ZBTB8A: variants seen among roughly 807,000 people sequenced by gnomAD.
The protein encoded by ZBTB8A is zinc finger and BTB domain-containing protein 8A.
Under a neutral mutation model 37.8 loss-of-function variants are expected in ZBTB8A, and 19 were observed. The ratio of observed to expected loss-of-function variants is 0.50; its 90% CI spans 0.35 to 0.74. The LOEUF (loss-of-function observed/expected upper bound fraction) is 0.74. Among genes scored for constraint, ZBTB8A ranks in the 30% least tolerant of loss-of-function variants. The pLI, the probability that ZBTB8A is intolerant of heterozygous loss-of-function variation, is 0.01. For missense variants in ZBTB8A, 394 were observed against 537.8 expected (o/e 0.73, Z 2.65); for synonymous variants, 181 against 185.2 (o/e 0.98, Z 0.19).
chr1:32,543,311 C>T (rs902348274), intron 1 of ZBTB8A, among the ~76,000 whole-genome samples: 1 of 152,108 alleles, frequency 6.6e-6, no homozygotes, highest in East Asian at 1.9e-4. Flanking sequence ...TCTCAAACTC[C>T]TGACCTCAGG....
At chr1:32,569,129 G>C (rs1570339621) in intron 2 of ZBTB8A, among the ~76,000 whole-genome samples, 1 of 152,214 alleles carries the variant, frequency 6.6e-6, no homozygotes, top group East Asian at 1.9e-4. Flanking sequence ...ATTTGGTATT[G>C]TCAGTCATTT....
Position 32,601,424 on chromosome 1 carries a change from A to G in ZBTB8A, c.*1005A>G. 1 of 363,222 alleles carries G rather than the reference A, an allele frequency of 2.8e-6. No individual in the cohort carries two copies. The allele number at this position is 363,222 out of a possible 1,614,324, so 22.5% of individuals were successfully genotyped here. A position where few individuals can be genotyped will look rare whatever the true frequency, so the allele number is the denominator to read the frequency against. On this transcript the variant is annotated 3_prime_UTR_variant, in exon 5 of 5. Coordinates refer to ENST00000373510, the MANE Select transcript of ZBTB8A (RefSeq NM_001040441.3). ...GGAAGGCAGAAGTTGCAGTGAGCCG[A>G]GATCACACCATTGCACTCCAGCCTG...
chr1:32,568,608 G>A (rs879589674), intron 2 of ZBTB8A, among the ~76,000 whole-genome samples: 3 of 151,962 alleles, frequency 2.0e-5, no homozygotes, highest in Non-Finnish European at 2.9e-5. Context: ...GGATGGTCTC[G>A]ATCTCCTAAC....
chr1:32,588,046 G>A (rs1024017266), intron 2 of ZBTB8A, among the ~76,000 whole-genome samples: 1 of 152,158 alleles, frequency 6.6e-6, no homozygotes, highest in Non-Finnish European at 1.5e-5. Context: ...GAAGCTCCAA[G>A]CGCTTCCCAC....
chr1:32,551,577 G>A (rs1395451655), intron 1 of ZBTB8A, among the ~76,000 whole-genome samples: 2 of 152,108 alleles, frequency 1.3e-5, no homozygotes, highest in African/African-American at 4.8e-5. Flanking sequence ...GCCGGGTGTG[G>A]TGGTGCATAC....
At chr1:32,565,589 G>A (rs1431047009) in intron 2 of ZBTB8A, among the ~76,000 whole-genome samples, 1 of 152,132 alleles carries the variant, frequency 6.6e-6, no homozygotes, top group Non-Finnish European at 1.5e-5. Flanking sequence ...AGGAGTCTGA[G>A]GCTGCAGTAA....
rs922863287 is a variant in ZBTB8A, at chr1:32,602,412, C to T, written c.*1993C>T. 1 of 151,510 alleles carries T rather than the reference C, an allele frequency of 6.6e-6. No individual in the cohort carries two copies. The highest frequency in any genetic ancestry group is 2.4e-5 in the African/African-American group (1 of 41,252). 9.4% of individuals were successfully genotyped at this position (151,510 alleles called of 1,614,324 possible). ...CAGCTAAATTAGAGAAGCATTGTTT[C>T]AGTTCTAAAGGTAAAATCTAAATAT... On this transcript the variant is annotated 3_prime_UTR_variant, in exon 5 of 5. Coordinates refer to ENST00000373510, the MANE Select transcript of ZBTB8A (RefSeq NM_001040441.3).
intron 2 of ZBTB8A, among the ~76,000 whole-genome samples, chr1:32,577,479 T>C (rs1425158002): frequency 6.6e-6 from 1 of 151,826 alleles, no homozygotes; most frequent in African/African-American, 2.4e-5. Context: ...TTAACTTTAG[T>C]TCAGATAATT....
chr1:32,559,926 A>G (rs1041609267), intron 2 of ZBTB8A, among the ~76,000 whole-genome samples: 1 of 152,312 alleles, frequency 6.6e-6, no homozygotes, highest in East Asian at 1.9e-4. Context: ...TTGCATTGCT[A>G]TAAAGAAATA....
intron 2 of ZBTB8A, among the ~76,000 whole-genome samples, chr1:32,591,041 G>A (rs946301664): frequency 1.3e-5 from 2 of 148,944 alleles, no homozygotes; most frequent in African/African-American, 2.5e-5. Context: ...TTACATGTGT[G>A]TGCCATGATG....
At position 32,593,217 on chromosome 1, in the gene ZBTB8A, A is replaced by G. The variant is rs1277878479; in HGVS notation, c.286A>G (p.Ile96Val). 3.1e-6 allele frequency: 5 copies of G among 1,614,054 alleles called. No individual in the cohort carries two copies. The highest frequency in any genetic ancestry group is 2.2e-5 in the East Asian group (1 of 44,896). Residue 96 changes from isoleucine to valine, a missense_variant, in exon 3 of 5, where the codon ATA becomes GTA. Ile to Val is a conservative substitution (Grantham distance 29). Around this residue, in one of 4 missense-constraint regions of ZBTB8A, gnomAD observed 96 missense variants for 165.6 expected, o/e 0.58. Coordinates refer to ENST00000373510, the MANE Select transcript of ZBTB8A (RefSeq NM_001040441.3). ...ACTGTCTCTTACTGGTCAGAATGTCATAGAAGTGATGTCGGCTGCTAGCTT... is the reference window on the plus strand; with the variant it reads ...ACTGTCTCTTACTGGTCAGAATGTCGTAGAAGTGATGTCGGCTGCTAGCTT... ...GKLSLTGQNV[I>V]EVMSAASFLQ... is the part of the protein sequence containing the mutation.
intron 2 of ZBTB8A, among the ~76,000 whole-genome samples, chr1:32,564,535 G>T (rs1436031665): frequency 6.6e-6 from 1 of 151,994 alleles, no homozygotes; most frequent in African/African-American, 2.4e-5. Flanking sequence ...AGAATTTAGG[G>T]GTATAAATTC....
intron 1 of ZBTB8A, among the ~76,000 whole-genome samples, chr1:32,552,386 G>A (rs753926893): frequency 2.8e-4 from 43 of 152,068 alleles, no homozygotes; most frequent in Non-Finnish European, 5.0e-4. Context: ...ATGGCCAGGC[G>A]TGGTGGCTCA....
At chr1:32,564,860 A>G (rs11588497) in intron 2 of ZBTB8A, among the ~76,000 whole-genome samples, 34,280 of 152,058 alleles carry the variant, frequency 0.23, 4,278 homozygotes, top group East Asian at 0.5. Context: ...AGTTGGAACA[A>G]TCCTCAGAGA....
At position 32,600,509 on chromosome 1, in the gene ZBTB8A, A is replaced by C. The variant is rs1644567990; in HGVS notation, c.*90A>C. On this transcript the variant is annotated 3_prime_UTR_variant, in exon 5 of 5. Transcript: ENST00000373510. Reference sequence around the variant, plus strand: ...TTCTATGGTCGGAGTCTAGTTAACAAATTTATCACACTGACTTTAAAGAAA... The same window carrying C: ...TTCTATGGTCGGAGTCTAGTTAACACATTTATCACACTGACTTTAAAGAAA... 1 of 922,590 alleles carries C rather than the reference A, an allele frequency of 1.1e-6. No individual in the cohort carries two copies. Among genetic ancestry groups the C allele is most frequent in the East Asian group, 2.5e-5 (1 of 40,140 alleles). 57.2% of individuals were successfully genotyped at this position (922,590 alleles called of 1,614,324 possible).
Position 32,603,790 on chromosome 1 carries a change from C to G in ZBTB8A, c.*3371C>G, listed in dbSNP as rs1557722333. 6.5e-6 allele frequency: 1 copy of G among 152,748 alleles called. No individual in the cohort carries two copies. Among genetic ancestry groups the G allele is most frequent in the South Asian group, 2.1e-4 (1 of 4,832 alleles). The allele number at this position is 152,748 out of a possible 1,614,324, so 9.5% of individuals were successfully genotyped here. ...TCTCATAATTGTTTATAACGAGCAT[C>G]AAACTATCCCCACAAAATGATCAAG... On this transcript the variant is annotated 3_prime_UTR_variant, in exon 5 of 5. Transcript: ENST00000373510.
chr1:32,568,035 G>C (rs1293737441), intron 2 of ZBTB8A, among the ~76,000 whole-genome samples: 1 of 151,718 alleles, frequency 6.6e-6, no homozygotes, highest in Non-Finnish European at 1.5e-5. Context: ...CCAGCTATTA[G>C]GGAGGCTGAG....
intron 1 of ZBTB8A, among the ~76,000 whole-genome samples, chr1:32,551,486 G>A (rs992448592): frequency 9.2e-5 from 14 of 152,054 alleles, no homozygotes; most frequent in African/African-American, 2.9e-4. Flanking sequence ...AGGCTGAGGC[G>A]GGTGGTTCAC....
rs1006483304 is a variant in ZBTB8A, at chr1:32,579,001, T to C, written c.-1-13930T>C. Among the ~76,000 whole-genome samples the C allele has an allele frequency of 3.3e-5, 5 of 152,146 alleles. No individual in the cohort carries two copies. The East Asian group carries it at 9.6e-4, about 29-fold the overall frequency. On this transcript the variant is annotated intron_variant, in intron 2 of 4. Coordinates refer to ENST00000373510, the MANE Select transcript of ZBTB8A (RefSeq NM_001040441.3). ...TAATTTGTTAATGGATCAGCTTGAT[T>C]TGGAGGCTTGTTTTTAAGCTTTGGG...
Sources: allele counts gnomAD v4.1 joint callset (sites outside exome capture counted in the v4.1 genomes callset), GRCh38; gene constraint gnomAD v4.1.1; regional missense constraint gnomAD v4.1.1; transcripts MANE v1.5; gene names NCBI Gene and HGNC (gene_info 2026-07-23, HGNC 2026-07-21).